The following PIP4K2A variants were observed in gnomAD, a reference collection of about 807,000 sequenced individuals.
PIP4K2A encodes phosphatidylinositol-5-phosphate 4-kinase type 2 alpha, also known as phosphatidylinositol 5-phosphate 4-kinase type-2 alpha.
In PIP4K2A, 14 loss-of-function variants were observed where a neutral mutation model predicts 42.9. The ratio of observed to expected loss-of-function variants is 0.33; its 90% CI spans 0.22 to 0.51. PIP4K2A has a LOEUF of 0.51. Ranked by LOEUF, PIP4K2A falls within the 20% of genes least tolerant of loss-of-function variation. The pLI is 0.97. For missense variants in PIP4K2A, 434 were observed against 519.8 expected (o/e 0.83, Z 1.61); for synonymous variants, 192 against 192.2 (o/e 1.00, Z 0.01).
At chr10:22,641,652 T>C (rs1019327840) in intron 1 of PIP4K2A, among the ~76,000 whole-genome samples, 1 of 151,740 alleles carries the variant, frequency 6.6e-6, no homozygotes, top group Non-Finnish European at 1.5e-5. Flanking sequence ...GGTTCTGAGA[T>C]CAGCCCAGCT....
At chr10:22,711,077 G>C (rs572259077) in intron 1 of PIP4K2A, among the ~76,000 whole-genome samples, 108 of 152,278 alleles carry the variant, frequency 7.1e-4, no homozygotes, top group Non-Finnish European at 8.7e-4. Context: ...TATGTATTCA[G>C]TTATATTCTC....
intron 6 of PIP4K2A, among the ~76,000 whole-genome samples, chr10:22,561,689 T>C (rs1420316713): frequency 6.7e-6 from 1 of 149,516 alleles, no homozygotes; most frequent in South Asian, 2.2e-4. Flanking sequence ...AATCCTCCCA[T>C]GTAGCTGGGG....
At chr10:22,610,912 C>G (rs1460026262) in intron 1 of PIP4K2A, among the ~76,000 whole-genome samples, 2 of 152,112 alleles carry the variant, frequency 1.3e-5, no homozygotes. Context: ...GAAGATCAAT[C>G]AAACATGAGC....
At chr10:22,647,346 G>C (rs184962437) in intron 1 of PIP4K2A, among the ~76,000 whole-genome samples, 1 of 151,842 alleles carries the variant, frequency 6.6e-6, no homozygotes, top group African/African-American at 2.4e-5. Flanking sequence ...GTGTGCACGC[G>C]CGTGTGCGTG....
At chr10:22,657,719 T>G (rs1215082707) in intron 1 of PIP4K2A, among the ~76,000 whole-genome samples, 2 of 152,228 alleles carry the variant, frequency 1.3e-5, no homozygotes, top group Non-Finnish European at 1.5e-5. Context: ...TGGAAATGTG[T>G]CCTTATCCAT....
intron 4 of PIP4K2A, among the ~76,000 whole-genome samples, chr10:22,587,701 T>A (rs1039251986): frequency 2.6e-5 from 4 of 152,194 alleles, no homozygotes; most frequent in Non-Finnish European, 5.9e-5. Flanking sequence ...AAATCTCGTC[T>A]GGAAGTGGCA....
At chr10:22,617,609 A>T (rs1034586811) in intron 1 of PIP4K2A, among the ~76,000 whole-genome samples, 3 of 152,246 alleles carry the variant, frequency 2.0e-5, no homozygotes, top group Admixed American at 1.3e-4. Context: ...TGAGATACTT[A>T]ATCTGATTAT....
intron 6 of PIP4K2A, among the ~76,000 whole-genome samples, chr10:22,553,315 G>A (rs944225042): frequency 1.3e-5 from 2 of 152,148 alleles, no homozygotes; most frequent in African/African-American, 2.4e-5. Context: ...TCAGGGGCAC[G>A]AAGGTTTTGG....
chr10:22,624,634 G>T (rs1838397588), intron 1 of PIP4K2A, among the ~76,000 whole-genome samples: 2 of 152,134 alleles, frequency 1.3e-5, no homozygotes, highest in African/African-American at 4.8e-5. Context: ...CAAATTCATG[G>T]ACCTTTGCAG....
chr10:22,706,047 G>C (rs1204160744), intron 1 of PIP4K2A, among the ~76,000 whole-genome samples: 1 of 151,852 alleles, frequency 6.6e-6, no homozygotes, highest in Non-Finnish European at 1.5e-5. Flanking sequence ...AAAATCATTA[G>C]GTCTCGTGAG....
At chr10:22,612,425 G>A (rs1211270292) in intron 1 of PIP4K2A, among the ~76,000 whole-genome samples, 2 of 152,200 alleles carry the variant, frequency 1.3e-5, no homozygotes, top group Non-Finnish European at 2.9e-5. Context: ...AGGTGGACAG[G>A]GCTTCCAGGA....
intron 1 of PIP4K2A, among the ~76,000 whole-genome samples, chr10:22,691,063 GA>G (rs1298865492): frequency 6.6e-6 from 1 of 152,136 alleles, no homozygotes; most frequent in African/African-American, 2.4e-5. Context: ...TTTACAATAA[GA>G]AAACTGAATG....
At chr10:22,632,300 T>C (rs1300992660) in intron 1 of PIP4K2A, among the ~76,000 whole-genome samples, 1 of 152,200 alleles carries the variant, frequency 6.6e-6, no homozygotes, top group Non-Finnish European at 1.5e-5. Flanking sequence ...CTGTACTATT[T>C]GTTATATAAG....
At chr10:22,708,247 G>A (rs1833855500) in intron 1 of PIP4K2A, among the ~76,000 whole-genome samples, 1 of 152,126 alleles carries the variant, frequency 6.6e-6, no homozygotes, top group Non-Finnish European at 1.5e-5. Flanking sequence ...TCAACCACAA[G>A]CACAGCCATG....
chr10:22,555,628 T>C (rs1467624038), intron 6 of PIP4K2A, among the ~76,000 whole-genome samples: 1 of 152,162 alleles, frequency 6.6e-6, no homozygotes, highest in African/African-American at 2.4e-5. Context: ...ACTGTACCTA[T>C]GTAATAGGGT....
At chr10:22,692,252 T>G (rs1386732710) in intron 1 of PIP4K2A, among the ~76,000 whole-genome samples, 1 of 151,932 alleles carries the variant, frequency 6.6e-6, no homozygotes, top group African/African-American at 2.4e-5. Context: ...ACAATAGGGT[T>G]TGCGCTCCTA....
chr10:22,701,120 G>C (rs1204012876), intron 1 of PIP4K2A, among the ~76,000 whole-genome samples: 1 of 152,134 alleles, frequency 6.6e-6, no homozygotes, highest in East Asian at 1.9e-4. Context: ...AACTCTCCCA[G>C]GGCAGTTTAT....
At chr10:22,563,710 C>A (rs559123536) in intron 6 of PIP4K2A, among the ~76,000 whole-genome samples, 2 of 152,152 alleles carry the variant, frequency 1.3e-5, no homozygotes, top group African/African-American at 2.4e-5. Flanking sequence ...AGGCTCAAAC[C>A]CTGGCGCTGT....
chr10:22,658,824 A>G (rs1839150299), intron 1 of PIP4K2A, among the ~76,000 whole-genome samples: 1 of 152,230 alleles, frequency 6.6e-6, no homozygotes. Flanking sequence ...TCCATTTTAT[A>G]GAAGAAAAAA....
Sources: allele counts gnomAD v4.1 joint callset (sites outside exome capture counted in the v4.1 genomes callset), GRCh38; gene constraint gnomAD v4.1.1; transcripts MANE v1.5; gene names NCBI Gene and HGNC (gene_info 2026-07-23, HGNC 2026-07-21).